TMCO4: variants seen among roughly 807,000 people sequenced by gnomAD.
TMCO4 encodes transmembrane and coiled-coil domain-containing protein 4.
A neutral mutation model predicts 64.7 loss-of-function variants in TMCO4; 58 were observed. The ratio of observed to expected loss-of-function variants is 0.90; its 90% CI spans 0.73 to 1.12. The LOEUF (loss-of-function observed/expected upper bound fraction) is 1.12. Ranked by LOEUF, TMCO4 falls within the 50% of genes most tolerant of loss-of-function variation. The pLI is 0.00. For missense variants in TMCO4, 780 were observed against 825.9 expected, an observed-to-expected ratio of 0.94 and a Z score of 0.68; for synonymous variants, 325 against 346.1, an observed-to-expected ratio of 0.94 and a Z score of 0.68.
At chr1:19,731,075 A>G (rs1030786096) in intron 13 of TMCO4, among the ~76,000 whole-genome samples, 2 of 152,176 alleles carry the variant, frequency 1.3e-5, no homozygotes, top group African/African-American at 2.4e-5. Context: ...CAAAGGGTGA[A>G]GAATTCATTG....
chr1:19,768,168 C>T (rs1194397316), intron 6 of TMCO4, among the ~76,000 whole-genome samples: 2 of 151,828 alleles, frequency 1.3e-5, no homozygotes, highest in African/African-American at 4.8e-5. Flanking sequence ...AAGATGGGGG[C>T]AATGGCCTTA....
intron 13 of TMCO4, among the ~76,000 whole-genome samples, chr1:19,722,507 G>GA (rs138259195): frequency 9.0e-4 from 137 of 152,300 alleles, no homozygotes; most frequent in African/African-American, 3.2e-3. Context: ...AGGAAAACTT[G>GA]AAGAATGTAG....
In TMCO4 at chr1:19,743,127, G is replaced by A. The variant is rs2095487545; in HGVS notation, c.878-2186C>T. Among the ~76,000 whole-genome samples the A allele has an allele frequency of 6.6e-6, 1 of 152,188 alleles. No individual in the cohort carries two copies. The highest frequency in any genetic ancestry group is 1.5e-5 in the Non-Finnish European group (1 of 68,030). On this transcript the variant is annotated intron_variant, in intron 10 of 15. Coordinates refer to ENST00000294543, the MANE Select transcript of TMCO4 (RefSeq NM_181719.7). This position sits in a 1 kb window ranked among gnomAD's most constrained non-coding sequence, Gnocchi z 4.1. ...GCTCTACTGCATTGTGCTGTCCTAT[G>A]GCCAAGAATATGGGCTGGAGCCAGA...
chr1:19,723,373 C>T (rs930624713), intron 13 of TMCO4, among the ~76,000 whole-genome samples: 7 of 152,184 alleles, frequency 4.6e-5, no homozygotes, highest in African/African-American at 9.7e-5. Flanking sequence ...TCCTTCGATG[C>T]CACTGGCCAG....
chr1:19,704,654 GCCCTGCTAAGA>G (rs2095292964), intron 13 of TMCO4, among the ~76,000 whole-genome samples: 1 of 152,242 alleles, frequency 6.6e-6, no homozygotes, highest in Admixed American at 6.5e-5. Context: ...GGCAGAGTCT[GCCCTGCTAAGA>G]GCTGGGACTG....
intron 10 of TMCO4, among the ~76,000 whole-genome samples, chr1:19,744,160 T>C (rs1271502624): frequency 6.6e-6 from 1 of 151,986 alleles, no homozygotes; most frequent in Non-Finnish European, 1.5e-5. Context: ...GGTTGGGACG[T>C]TTAGGATTCC....
intron 12 of TMCO4, among the ~76,000 whole-genome samples, chr1:19,738,777 C>A (rs1269029): frequency 0.024 from 3,728 of 152,332 alleles, 167 homozygotes; most frequent in African/African-American, 0.084. Context: ...TATCCATCCT[C>A]CCTTTTTTCC....
rs1274199586 is a variant in TMCO4, at chr1:19,797,825, C to T, written c.-101+312G>A. Among the ~76,000 whole-genome samples, 4 of 136,508 alleles carry T rather than the reference C, an allele frequency of 2.9e-5. No individual in the cohort carries two copies. In the East Asian group the frequency reaches 9.6e-4, roughly 33 times the overall value. The allele number at this position is 136,508 out of a possible 152,430, so 89.6% of individuals were successfully genotyped here. A position where few individuals can be genotyped will look rare whatever the true frequency, so the allele number is the denominator to read the frequency against. ...GTTGCAGTGAGCTGAAATTGCATCA[C>T]TGCACTCCAGCCTGGGTGACAGAGT... On this transcript the variant is annotated intron_variant, in intron 2 of 15. Transcript: ENST00000294543.
At chr1:19,757,160 G>C (rs532395185) in intron 6 of TMCO4, among the ~76,000 whole-genome samples, 1 of 78,090 alleles carries the variant, frequency 1.3e-5, no homozygotes, top group South Asian at 5.5e-4. Flanking sequence ...GCGTGGTGGC[G>C]GGGGGGGGCG....
chr1:19,773,305 C>T (rs55751106), intron 4 of TMCO4, among the ~76,000 whole-genome samples: 17,807 of 152,212 alleles, frequency 0.12, 1,136 homozygotes, highest in Non-Finnish European at 0.13. Context: ...GATCAACACC[C>T]TGGGGAGGGA....
intron 13 of TMCO4, among the ~76,000 whole-genome samples, chr1:19,716,752 G>A (rs929816006): frequency 2.0e-5 from 3 of 152,114 alleles, no homozygotes; most frequent in East Asian, 1.9e-4. Flanking sequence ...GCAGATGGAG[G>A]AGACACCACT....
chr1:19,724,752 C>T (rs2095401309), intron 13 of TMCO4, among the ~76,000 whole-genome samples: 1 of 151,940 alleles, frequency 6.6e-6, no homozygotes, highest in African/African-American at 2.4e-5. Context: ...TTCAGTGCTC[C>T]TTCTTTTGTT....
intron 13 of TMCO4, among the ~76,000 whole-genome samples, chr1:19,715,196 T>C (rs980398670): frequency 2.6e-5 from 4 of 152,208 alleles, no homozygotes; most frequent in African/African-American, 9.6e-5. Flanking sequence ...TTCGTGTCAC[T>C]GTACTCCATC....
chr1:19,755,049 G>A (rs1351993455), intron 7 of TMCO4, among the ~76,000 whole-genome samples: 1 of 152,174 alleles, frequency 6.6e-6, no homozygotes, highest in African/African-American at 2.4e-5. Flanking sequence ...AGAGCCTGAG[G>A]TGGAACAGGG....
At chr1:19,716,036 G>T (rs2095354123) in intron 13 of TMCO4, among the ~76,000 whole-genome samples, 1 of 152,126 alleles carries the variant, frequency 6.6e-6, no homozygotes, top group South Asian at 2.1e-4. Flanking sequence ...AAAGGGACAG[G>T]CCGGGTGCAC....
At chr1:19,697,863 C>T (rs1157851276) in intron 14 of TMCO4, among the ~76,000 whole-genome samples, 2 of 151,636 alleles carry the variant, frequency 1.3e-5, no homozygotes, top group African/African-American at 4.8e-5. Context: ...ATCCTCCTGC[C>T]TTGGCCTCCC....
In TMCO4 at chr1:19,771,492, A is replaced by G. The variant is rs1238629576; in HGVS notation, c.180-10T>C. 3.7e-6 allele frequency: 6 copies of G among 1,612,688 alleles called. No individual in the cohort carries two copies. The highest frequency in any genetic ancestry group is 1.3e-5 in the African/African-American group (1 of 74,914). The stretch of plus-strand genomic sequence containing the variant: ...CTCTGTGCAGAAGGAGCTGAAAGGC[A>G]GACATGGCTTAGTTCTCCAGGATCC... On this transcript the variant is annotated splice_polypyrimidine_tract_variant and intron_variant, in intron 4 of 15. Coordinates refer to ENST00000294543, the MANE Select transcript of TMCO4 (RefSeq NM_181719.7).
chr1:19,779,965 T>C (rs1307230974), intron 4 of TMCO4, among the ~76,000 whole-genome samples: 2 of 152,030 alleles, frequency 1.3e-5, no homozygotes, highest in African/African-American at 4.8e-5. Context: ...GGATGTCTTA[T>C]CCCCCCACCA....
rs55783904 is a variant in TMCO4, at chr1:19,685,710, C to CTTTT, written c.1501-2270_1501-2267dup. On this transcript the variant is annotated intron_variant, in intron 15 of 15. Coordinates refer to ENST00000294543, the MANE Select transcript of TMCO4 (RefSeq NM_181719.7). ...CTGGGATTTGAATCCAGGCCTGTTTCTTTTTTTTTTTTTTTTTTTTTGAGA... is the reference window on the plus strand; with the variant it reads ...CTGGGATTTGAATCCAGGCCTGTTTCTTTTTTTTTTTTTTTTTTTTTTTTTGAGA... Among the ~76,000 whole-genome samples, 19 of 106,616 alleles carry CTTTT rather than the reference C, an allele frequency of 1.8e-4. 1 individual carries two copies. The highest frequency in any genetic ancestry group is 3.4e-4 in the South Asian group (1 of 2,924). The allele number at this position is 106,616 out of a possible 152,430, so 69.9% of individuals were successfully genotyped here.
Sources: gnomAD v4.1 joint callset for allele counts (sites outside exome capture counted in the v4.1 genomes callset) on GRCh38, gnomAD v4.1.1 for gene constraint, Gnocchi (gnomAD v3.1) non-coding constraint, MANE v1.5 for transcripts, NCBI Gene and HGNC (gene_info 2026-07-23, HGNC 2026-07-21) for gene names.